The following SORCS1 variants were observed in gnomAD, a reference collection of about 807,000 sequenced individuals.
SORCS1 encodes VPS10 domain-containing receptor SorCS1.
In SORCS1, 60 loss-of-function variants were observed where a neutral mutation model predicts 146.1. The observed-to-expected ratio is 0.41, with a 90% CI of 0.33 to 0.51. The LOEUF is 0.51. Among genes scored for constraint, SORCS1 ranks in the 20% least tolerant of loss-of-function variants. The pLI is 0.21. For synonymous variants in SORCS1, 637 were observed against 584.0 expected (o/e 1.09, Z -1.31); for missense variants, 1,352 against 1,487.6 (o/e 0.91, Z 1.50).
intron 1 of SORCS1, among the ~76,000 whole-genome samples, chr10:107,086,079 G>C (rs893076841): frequency 2.0e-5 from 3 of 152,224 alleles, no homozygotes; most frequent in Non-Finnish European, 4.4e-5. Context: ...ACAGTGGAGA[G>C]AATTCGGGCA....
intron 13 of SORCS1, among the ~76,000 whole-genome samples, chr10:106,675,997 C>T (rs559783087): frequency 4.8e-4 from 73 of 152,248 alleles, no homozygotes; most frequent in Admixed American, 2.6e-3. Context: ...AAATTAATTT[C>T]CGTTGTTTAT....
At chr10:106,853,803 T>C (rs1033277697) in intron 2 of SORCS1, among the ~76,000 whole-genome samples, 1 of 152,126 alleles carries the variant, frequency 6.6e-6, no homozygotes, top group African/African-American at 2.4e-5. Context: ...AATTTCATTG[T>C]GGTTGAAAAA....
chr10:106,924,361 T>A (rs1344250860), intron 2 of SORCS1, among the ~76,000 whole-genome samples: 1 of 152,150 alleles, frequency 6.6e-6, no homozygotes, highest in African/African-American at 2.4e-5. Context: ...AAGGAACATT[T>A]TATTGTATTA....
At chr10:106,851,350 A>G (rs1250374086) in intron 2 of SORCS1, among the ~76,000 whole-genome samples, 1 of 152,170 alleles carries the variant, frequency 6.6e-6, no homozygotes, top group Non-Finnish European at 1.5e-5. Context: ...TCTATGATAC[A>G]TTTTGAGTTA....
chr10:106,709,030 T>C (rs1009253112), intron 7 of SORCS1, among the ~76,000 whole-genome samples, 193 bp downstream of exon 7: 2 of 152,146 alleles, frequency 1.3e-5, no homozygotes, highest in South Asian at 2.1e-4. Flanking sequence ...ACTAGTCTGT[T>C]AGTATAGAAG....
intron 6 of SORCS1, among the ~76,000 whole-genome samples, chr10:106,724,722 A>G (rs954615470): frequency 1.3e-5 from 2 of 152,234 alleles, no homozygotes; most frequent in African/African-American, 4.8e-5. Flanking sequence ...AGAATTCACA[A>G]CACACTCCAT....
At chr10:106,991,638 C>T (rs1956776020) in intron 1 of SORCS1, among the ~76,000 whole-genome samples, 1 of 152,152 alleles carries the variant, frequency 6.6e-6, no homozygotes, top group South Asian at 2.1e-4. Context: ...TTGAATATCA[C>T]TAATAATTAT....
intron 2 of SORCS1, among the ~76,000 whole-genome samples, chr10:106,950,258 C>T (rs1004238999): frequency 6.6e-6 from 1 of 152,200 alleles, no homozygotes; most frequent in Non-Finnish European, 1.5e-5. Flanking sequence ...AGCAAAAGCT[C>T]ATTAATTTGG....
intron 1 of SORCS1, among the ~76,000 whole-genome samples, chr10:107,016,706 C>T (rs1349419619): frequency 6.6e-6 from 1 of 151,974 alleles, no homozygotes; most frequent in Admixed American, 6.6e-5. Flanking sequence ...AAACCTCTAC[C>T]CAACACAAGA....
intron 2 of SORCS1, among the ~76,000 whole-genome samples, chr10:106,854,786 A>G (rs1379325156): frequency 1.3e-5 from 2 of 152,034 alleles, no homozygotes; most frequent in African/African-American, 4.8e-5. Context: ...TATTGATGTC[A>G]TTCATTTCAC....
chr10:107,178,562 G>A, the SORCS1 span, among the ~76,000 whole-genome samples: 6 of 151,648 alleles, frequency 4.0e-5, no homozygotes, highest in Non-Finnish European at 7.4e-5. Context: ...CCAGTGGTAC[G>A]ATTTAGGCTC....
At chr10:106,969,116 C>G (rs1955647052) in intron 1 of SORCS1, among the ~76,000 whole-genome samples, 1 of 152,134 alleles carries the variant, frequency 6.6e-6, no homozygotes, top group Non-Finnish European at 1.5e-5. Flanking sequence ...ACAAGACTTT[C>G]TGTTAGGGAA....
intron 2 of SORCS1, among the ~76,000 whole-genome samples, chr10:106,896,418 G>C (rs1446984040): frequency 1.5e-5 from 2 of 130,960 alleles, no homozygotes; most frequent in Non-Finnish European, 3.1e-5. Context: ...GACAGAGTGA[G>C]ACTTTGTCTC....
At chr10:107,118,682 TA>T (rs1425268677) in intron 1 of SORCS1, among the ~76,000 whole-genome samples, 1 of 152,220 alleles carries the variant, frequency 6.6e-6, no homozygotes, top group East Asian at 1.9e-4. Flanking sequence ...TTTGCACCCT[TA>T]TCCATTTCTA....
chr10:107,075,726 G>A (rs1343516861), intron 1 of SORCS1, among the ~76,000 whole-genome samples: 2 of 152,178 alleles, frequency 1.3e-5, no homozygotes, highest in East Asian at 3.9e-4. Flanking sequence ...AACTTTTGCA[G>A]TAGCTGGGGA....
At chr10:106,747,386 T>C (rs561050173) in intron 5 of SORCS1, among the ~76,000 whole-genome samples, 19 of 152,342 alleles carry the variant, frequency 1.2e-4, no homozygotes, top group Admixed American at 1.1e-3. Context: ...TAGCATTTTT[T>C]AGAAGAGATT....
At chr10:106,784,815 G>C (rs970967722) in intron 3 of SORCS1, among the ~76,000 whole-genome samples, 5 of 152,236 alleles carry the variant, frequency 3.3e-5, no homozygotes, top group Non-Finnish European at 5.9e-5. Context: ...AAGGAAGAGA[G>C]AGCAGGAAAG....
intron 1 of SORCS1, among the ~76,000 whole-genome samples, chr10:107,156,903 A>G (rs1009105889): frequency 6.6e-5 from 10 of 152,224 alleles, no homozygotes; most frequent in Admixed American, 5.9e-4. Flanking sequence ...GCAGTGGAAT[A>G]CATATGGCAG....
At position 106,736,802 on chromosome 10, in the gene SORCS1, C is replaced by T. The variant is rs117376446; in HGVS notation, c.960-6688G>A. Among the ~76,000 whole-genome samples the T allele has an allele frequency of 4.1e-3, 619 of 152,120 alleles. 4 individuals carry two copies. Among genetic ancestry groups the T allele is most frequent in the African/African-American group, 0.014 (579 of 41,492 alleles). On this transcript the variant is annotated intron_variant, in intron 5 of 25. Transcript: ENST00000263054. The stretch of plus-strand genomic sequence containing the variant: ...TTTCTGCTTTTATTCCTCTGGCCCC[C>T]GACACTGTCAGTCACATTGGTTCTC...
Sources: allele counts gnomAD v4.1 joint callset (sites outside exome capture counted in the v4.1 genomes callset), GRCh38; gene constraint gnomAD v4.1.1; transcripts MANE v1.5; gene names NCBI Gene and HGNC (gene_info 2026-07-23, HGNC 2026-07-21).